PCDH7: variants seen among roughly 807,000 people sequenced by gnomAD.
The protein encoded by PCDH7 is protocadherin 7.
PCDH7 carries 17 observed loss-of-function variants against 58.9 expected under a neutral mutation model. That is an observed-to-expected ratio of 0.29 (90% CI 0.20 to 0.43). PCDH7 has a LOEUF of 0.43. Among genes scored for constraint, PCDH7 ranks in the 20% least tolerant of loss-of-function variants. PCDH7 has a pLI of 1.00. For synonymous variants in PCDH7, 664 were observed against 616.4 expected, an observed-to-expected ratio of 1.08 and a Z score of -1.14; for missense variants, 1,274 against 1,441.0, an observed-to-expected ratio of 0.88 and a Z score of 1.88.
At chr4:31,115,133 A>G (rs1407033182) in intron 3 of PCDH7, among the ~76,000 whole-genome samples, 1 of 152,230 alleles carries the variant, frequency 6.6e-6, no homozygotes, top group East Asian at 1.9e-4. Flanking sequence ...GGAAAAACAT[A>G]GACAGTATAA....
chr4:31,042,615 C>T (rs7678773), intron 3 of PCDH7, among the ~76,000 whole-genome samples: 95,554 of 151,898 alleles, frequency 0.63, 32,390 homozygotes, highest in African/African-American at 0.89. Context: ...GATTAGATAT[C>T]GAAGTCAAAC....
intron 1 of PCDH7, among the ~76,000 whole-genome samples, chr4:30,817,180 G>C (rs1727793743): frequency 6.6e-6 from 1 of 152,146 alleles, no homozygotes; most frequent in Non-Finnish European, 1.5e-5. Flanking sequence ...TTAAATAGAT[G>C]CAAGATATTT....
At chr4:30,912,926 T>C (rs1423059887) in intron 1 of PCDH7, among the ~76,000 whole-genome samples, 1 of 152,118 alleles carries the variant, frequency 6.6e-6, no homozygotes, top group Non-Finnish European at 1.5e-5. Context: ...ATACGTCCGA[T>C]TGTGGGACAT....
At chr4:30,872,681 C>A (rs945091675) in intron 1 of PCDH7, among the ~76,000 whole-genome samples, 2 of 152,032 alleles carry the variant, frequency 1.3e-5, no homozygotes, top group Non-Finnish European at 2.9e-5. Context: ...ATCCACACAA[C>A]GCCTAGCTCA....
At chr4:30,949,259 A>G (rs1042982350) in intron 2 of PCDH7, among the ~76,000 whole-genome samples, 7 of 152,150 alleles carry the variant, frequency 4.6e-5, no homozygotes, top group Non-Finnish European at 1.0e-4. Context: ...TAAGAGAAAC[A>G]TTTTTTATAT....
intron 1 of PCDH7, among the ~76,000 whole-genome samples, chr4:30,916,729 T>A (rs1742518155): frequency 6.6e-6 from 1 of 152,202 alleles, no homozygotes; most frequent in Admixed American, 6.5e-5. Flanking sequence ...TTTTATACCC[T>A]TAAAGAACCA....
intron 1 of PCDH7, among the ~76,000 whole-genome samples, chr4:30,894,596 CAT>C (rs576995805): frequency 0.28 from 34,520 of 123,846 alleles, 5,069 homozygotes; most frequent in African/African-American, 0.4. Context: ...CACACACACA[CAT>C]ATATATATAT....
chr4:30,792,150 T>A (rs1163037055), intron 1 of PCDH7, among the ~76,000 whole-genome samples: 2 of 152,190 alleles, frequency 1.3e-5, no homozygotes, highest in Non-Finnish European at 2.9e-5. Context: ...GAAAAGTCAG[T>A]GGCTTTCATT....
chr4:30,901,484 G>A (rs1560484042), intron 1 of PCDH7, among the ~76,000 whole-genome samples: 1 of 152,114 alleles, frequency 6.6e-6, no homozygotes, highest in Non-Finnish European at 1.5e-5. Context: ...AATAATGTTA[G>A]GATGTGGTTC....
At chr4:30,727,282 TAA>T (rs1480351270) in intron 1 of PCDH7, among the ~76,000 whole-genome samples, 1 of 151,962 alleles carries the variant, frequency 6.6e-6, no homozygotes, top group Non-Finnish European at 1.5e-5. Flanking sequence ...TTAGACATTT[TAA>T]AGTGTTGAAC....
chr4:30,780,978 A>G (rs1276048035), intron 1 of PCDH7, among the ~76,000 whole-genome samples: 1 of 152,166 alleles, frequency 6.6e-6, no homozygotes, highest in Non-Finnish European at 1.5e-5. Flanking sequence ...TTGGAGAGAA[A>G]AATGTAAGAG....
At chr4:31,100,737 A>T (rs2109299920) in intron 3 of PCDH7, among the ~76,000 whole-genome samples, 1 of 152,292 alleles carries the variant, frequency 6.6e-6, no homozygotes, top group South Asian at 2.1e-4. Context: ...CTTTCTGGAG[A>T]AGTCATAAGT....
intron 3 of PCDH7, among the ~76,000 whole-genome samples, chr4:31,068,318 T>C: frequency 6.7e-6 from 1 of 149,016 alleles, no homozygotes; most frequent in African/African-American, 2.4e-5. Flanking sequence ...AAAAAAAAAG[T>C]CTTTAATAAA....
At chr4:30,750,390 A>G (rs1718352645) in intron 1 of PCDH7, among the ~76,000 whole-genome samples, 1 of 152,150 alleles carries the variant, frequency 6.6e-6, no homozygotes. Flanking sequence ...CCTCCTGGGC[A>G]TAGAACATGA....
At chr4:30,830,688 G>C in intron 1 of PCDH7, among the ~76,000 whole-genome samples, 1 of 151,876 alleles carries the variant, frequency 6.6e-6, no homozygotes, top group East Asian at 1.9e-4. Flanking sequence ...GGTCATTGTG[G>C]TTACTTCTTT....
chr4:30,755,717 C>A (rs980577713), intron 1 of PCDH7, among the ~76,000 whole-genome samples: 1 of 152,100 alleles, frequency 6.6e-6, no homozygotes, highest in Non-Finnish European at 1.5e-5. Flanking sequence ...GCTCACAGTT[C>A]CACAGTCTGT....
intron 2 of PCDH7, among the ~76,000 whole-genome samples, chr4:30,934,273 T>C (rs1745052797): frequency 1.3e-5 from 1 of 77,430 alleles, no homozygotes; most frequent in Admixed American, 1.3e-4. Flanking sequence ...CAAGTAGCTA[T>C]CAAATTAGTT....
intron 1 of PCDH7, among the ~76,000 whole-genome samples, chr4:30,825,912 G>A (rs993509123): frequency 3.9e-5 from 6 of 152,110 alleles, no homozygotes; most frequent in African/African-American, 1.4e-4. Flanking sequence ...ATATGACTTG[G>A]ATAAATGTAG....
intron 2 of PCDH7, among the ~76,000 whole-genome samples, chr4:30,941,244 C>T (rs1397558076): frequency 6.6e-6 from 1 of 151,928 alleles, no homozygotes. Context: ...GACTGTTTTA[C>T]TTTTCTTCCA....
Sources: gnomAD v4.1 joint callset for allele counts (sites outside exome capture counted in the v4.1 genomes callset) on GRCh38, gnomAD v4.1.1 for gene constraint, MANE v1.5 for transcripts, NCBI Gene and HGNC (gene_info 2026-07-23, HGNC 2026-07-21) for gene names.